Variants in FRMPD3 observed in about 807,000 individuals in gnomAD.
FRMPD3 encodes FERM and PDZ domain containing 3, also known as FERM and PDZ domain-containing protein 3.
FRMPD3 carries 42 observed loss-of-function variants against 97.9 expected under a neutral mutation model. The observed-to-expected ratio is 0.43, with a 90% confidence interval of 0.34 to 0.55. FRMPD3 has a LOEUF of 0.55. Ranked by LOEUF, FRMPD3 falls within the 20% of genes least tolerant of loss-of-function variation. FRMPD3 has a pLI of 0.03. For missense variants in FRMPD3, 1,303 were observed against 1,457.7 expected (o/e 0.89, Z 1.73); for synonymous variants, 577 against 581.1 (o/e 0.99, Z 0.10).
intron 4 of FRMPD3, among the ~76,000 whole-genome samples, chrX:107,541,040 A>G (rs1921269490): frequency 8.8e-6 from 1 of 113,205 alleles, no homozygotes; most frequent in Admixed American, 9.3e-5. Context: ...CATAGGCAAT[A>G]CATAAATGAA....
At chrX:107,470,226 C>A (rs1050690038) in intron 1 of FRMPD3, among the ~76,000 whole-genome samples, 1 of 112,532 alleles carries the variant, frequency 8.9e-6, no homozygotes, top group Non-Finnish European at 1.9e-5. Flanking sequence ...TAAACATCAT[C>A]TTACAGTTTC....
chrX:107,554,690 G>A, intron 8 of FRMPD3, 186 bp downstream of exon 8: 1 of 476,561 alleles, frequency 2.1e-6, no homozygotes. Flanking sequence ...GACCTGAGCT[G>A]GCTGTGGCTC....
intron 4 of FRMPD3, among the ~76,000 whole-genome samples, chrX:107,541,285 G>A (rs1208001327): frequency 8.9e-6 from 1 of 112,508 alleles, no homozygotes; most frequent in Non-Finnish European, 1.9e-5. Context: ...GGGACACGGA[G>A]GCCTCTGAGA....
At chrX:107,453,006 A>G (rs2097174557) in intron 1 of FRMPD3, among the ~76,000 whole-genome samples, 1 of 110,470 alleles carries the variant, frequency 9.1e-6, no homozygotes, top group African/African-American at 3.3e-5. Context: ...CCTTGGAGGG[A>G]GCATGGGTGG....
intron 1 of FRMPD3, among the ~76,000 whole-genome samples, chrX:107,474,601 G>C (rs1242752100): frequency 9.0e-6 from 1 of 111,155 alleles, no homozygotes; most frequent in Non-Finnish European, 1.9e-5. Context: ...GGGGGTTTAG[G>C]AGGCTTCTCT....
In FRMPD3 at chrX:107,601,534, C is replaced by T. The variant is rs1924508121; in HGVS notation, c.3495C>T (p.Cys1165=). The T allele has an allele frequency of 3.4e-6, 4 of 1,180,648 alleles. No homozygotes were observed. The African/African-American group carries it at 5.3e-5, about 16-fold the overall frequency. ...SSQSRGQSPS[C]QPRGQSPLRS... ...AGTCTCGAGGTCAGAGCCCCAGCTG[C>T]CAACCTCGAGGCCAGAGCCCACTGA... The change falls in exon 15 of 15, where the codon TGC becomes TGT. Residue 1165 remains cysteine, a synonymous_variant. Coordinates refer to ENST00000683843, the MANE Select transcript of FRMPD3 (RefSeq NM_001388459.1).
rs1172541247 is a variant in FRMPD3 at position 107,604,933 on chromosome X, A to C, written c.*1560A>C. On this transcript the variant is annotated 3_prime_UTR_variant, in exon 15 of 15. Coordinates refer to ENST00000683843, the MANE Select transcript of FRMPD3 (RefSeq NM_001388459.1). ...TTTCTTCTGCAGAATCCAGCCCCTC[A>C]CTTCCTTGCTTCTCCTCCCCCAGGA... 5.5e-5 allele frequency: 6 copies of C among 109,939 alleles called. No homozygotes were observed. The highest frequency in any genetic ancestry group is 1.1e-4 in the Non-Finnish European group (6 of 52,729). 9.1% of individuals were successfully genotyped at this position (109,939 alleles called of 1,213,427 possible).
At chrX:107,584,853 A>G (rs752054527) in intron 13 of FRMPD3, among the ~76,000 whole-genome samples, 3 of 111,873 alleles carry the variant, frequency 2.7e-5, no homozygotes, top group African/African-American at 9.8e-5. Context: ...GTAGCCTCGT[A>G]GTATAGTTTG....
At chrX:107,598,173 C>T (rs1307782556) in intron 14 of FRMPD3, 31 bp downstream of exon 14, 2 of 1,133,179 alleles carry the variant, frequency 1.8e-6, no homozygotes, top group Non-Finnish European at 2.4e-6. Context: ...CCTCTTTCCA[C>T]CCCCTTCTCT....
chrX:107,516,937 A>G (rs1250333127), intron 1 of FRMPD3, among the ~76,000 whole-genome samples: 1 of 111,824 alleles, frequency 8.9e-6, no homozygotes, highest in East Asian at 2.8e-4. Context: ...TGTTTTAGAC[A>G]TGAAGTTTTT....
intron 1 of FRMPD3, among the ~76,000 whole-genome samples, chrX:107,450,273 C>A (rs1383031394): frequency 1.1e-4 from 12 of 110,977 alleles, no homozygotes; most frequent in Non-Finnish European, 2.3e-4. Context: ...GGTGAGGAGT[C>A]GAGCGCAGGG....
chrX:107,459,888 C>T (rs1292461841), intron 1 of FRMPD3, among the ~76,000 whole-genome samples: 2 of 39,044 alleles, frequency 5.1e-5, no homozygotes, highest in Admixed American at 1.9e-4. Flanking sequence ...CATACATACA[C>T]ACACACACAC....
intron 13 of FRMPD3, among the ~76,000 whole-genome samples, chrX:107,596,424 C>T (rs939992987): frequency 8.9e-6 from 1 of 112,067 alleles, no homozygotes; most frequent in Non-Finnish European, 1.9e-5. Flanking sequence ...TGTTATCTGT[C>T]TGTCTGCTGT....
intron 4 of FRMPD3, among the ~76,000 whole-genome samples, 160 bp downstream of exon 4, chrX:107,533,710 A>C (rs896396207): frequency 2.0e-4 from 22 of 111,990 alleles, no homozygotes; most frequent in Non-Finnish European, 3.4e-4. Context: ...TCTGAACAGC[A>C]TGTCTCTGCT....
chrX:107,603,608 G>A lies in FRMPD3; in HGVS notation c.*235G>A. The A allele has an allele frequency of 2.0e-6, 1 of 507,154 alleles. No homozygotes were observed. The highest frequency in any genetic ancestry group is 3.0e-6 in the Non-Finnish European group (1 of 335,316). The allele number at this position is 507,154 out of a possible 1,213,427, so 41.8% of individuals were successfully genotyped here. A position where few individuals can be genotyped will look rare whatever the true frequency, so the allele number is the denominator to read the frequency against. On this transcript the variant is annotated 3_prime_UTR_variant, in exon 15 of 15. Transcript: ENST00000683843. ...CCCTGGCCTCTGGGCCTCACTGTGA[G>A]GGCAAAGGCCCCTCTTCACTCTGCT...
rs1296775121 is a variant in FRMPD3, at chrX:107,597,667, C to G, written c.1788C>G (p.Ser596=). The G allele has an allele frequency of 9.1e-6, 11 of 1,209,003 alleles. No homozygotes were observed. In the African/African-American group the frequency reaches 1.7e-4, roughly 19 times the overall value. Residue 596 remains serine, a synonymous_variant, in exon 14 of 15, where the codon TCC becomes TCG. Coordinates refer to ENST00000683843, the MANE Select transcript of FRMPD3 (RefSeq NM_001388459.1). ...DHEPCASRAR[S]YTLDNSLGAE... The stretch of plus-strand genomic sequence containing the variant: ...AGCCTTGTGCCAGCAGGGCCCGGTC[C>G]TACACCTTGGACAATTCCCTTGGGG...
At position 107,601,007 on chromosome X, in the gene FRMPD3, A is replaced by G. The variant is rs868147124; in HGVS notation, c.2968A>G (p.Ser990Gly). The G allele has an allele frequency of 1.7e-6, 2 of 1,206,959 alleles. No individual in the cohort carries two copies. The change falls in exon 15 of 15, where the codon AGC (serine) becomes GGC (glycine). Residue 990 changes from serine to glycine, a missense_variant. Ser to Gly is a moderately conservative substitution (Grantham distance 56). Around this residue, in one of 3 missense-constraint regions of FRMPD3, gnomAD observed 764 missense variants for 820.2 expected, o/e 0.93. Transcript: ENST00000683843. ...CAGGGGTGAGAGAAGGCTGGAGGCC[A>G]GCATGGGGAGGCCAGAGGTTAGCAT... ...PSRGERRLEA[S>G]MGRPEVSMMS... is the part of the protein sequence containing the mutation.
At chrX:107,584,375 T>G (rs995233812) in intron 13 of FRMPD3, among the ~76,000 whole-genome samples, 2 of 111,786 alleles carry the variant, frequency 1.8e-5, no homozygotes, top group Non-Finnish European at 3.8e-5. Context: ...TGCAAAAATT[T>G]TCTCTCATTC....
chrX:107,512,474 C>T (rs969091727), intron 1 of FRMPD3, among the ~76,000 whole-genome samples: 2 of 111,904 alleles, frequency 1.8e-5, no homozygotes, highest in African/African-American at 6.5e-5. Context: ...TCCTCTTCAC[C>T]GTCTGCAAGG....
Sources: gnomAD v4.1 joint callset for allele counts (sites outside exome capture counted in the v4.1 genomes callset) on GRCh38, gnomAD v4.1.1 for gene constraint, gnomAD v4.1.1 regional missense constraint, MANE v1.5 for transcripts, NCBI Gene and HGNC (gene_info 2026-07-23, HGNC 2026-07-21) for gene names.